Variants in CCM2 observed in about 807,000 individuals in gnomAD.
CCM2 encodes the protein CCM2 scaffold protein, also known as cerebral cavernous malformations 2 protein.
A neutral mutation model predicts 44.9 loss-of-function variants in CCM2; 25 were observed. The ratio of observed to expected loss-of-function variants is 0.56; its 90% CI spans 0.41 to 0.78. CCM2 has a LOEUF of 0.78. CCM2 is among the 30% of genes least tolerant of loss of function. The probability of loss-of-function intolerance (pLI) is 0.00; values close to 1 mark genes in which losing one functional copy is unlikely to be tolerated. For synonymous variants in CCM2, 219 were observed against 241.1 expected, an observed-to-expected ratio of 0.91 and a Z score of 0.85; for missense variants, 481 against 580.6, an observed-to-expected ratio of 0.83 and a Z score of 1.76.
At chr7:45,023,399 A>T (rs895376108) in intron 1 of CCM2, among the ~76,000 whole-genome samples, 1 of 152,074 alleles carries the variant, frequency 6.6e-6, no homozygotes, top group African/African-American at 2.4e-5. Context: ...AAAATACAAA[A>T]ATTAGCCGGG....
intron 1 of CCM2, chr7:45,027,384 A>G: frequency 2.3e-6 from 1 of 435,242 alleles, no homozygotes; most frequent in Non-Finnish European, 4.3e-6. Flanking sequence ...AGAATGGTGG[A>G]CTTTGAAATT....
intron 2 of CCM2, among the ~76,000 whole-genome samples, chr7:45,046,674 C>T (rs1438844973): frequency 2.0e-5 from 3 of 152,176 alleles, no homozygotes; most frequent in Non-Finnish European, 4.4e-5. Flanking sequence ...GGATGCAGGG[C>T]TACGCAGAGT....
chr7:45,063,411 T>C (rs1798617465), intron 2 of CCM2, among the ~76,000 whole-genome samples: 2 of 152,214 alleles, frequency 1.3e-5, no homozygotes, highest in Non-Finnish European at 2.9e-5. Context: ...CACTGTTGCA[T>C]GTGGGGACTA....
chr7:45,025,127 G>T (rs1236263973), intron 1 of CCM2, among the ~76,000 whole-genome samples: 1 of 152,202 alleles, frequency 6.6e-6, no homozygotes, highest in Non-Finnish European at 1.5e-5. Context: ...GGCTGTGTGG[G>T]CCAGGGGGCA....
chr7:45,013,159 C>T (rs1396156510), intron 1 of CCM2, among the ~76,000 whole-genome samples: 2 of 151,948 alleles, frequency 1.3e-5, no homozygotes, highest in African/African-American at 4.8e-5. Context: ...ATATCCATGT[C>T]TTGTCACAGA....
intron 1 of CCM2, among the ~76,000 whole-genome samples, chr7:45,034,836 A>T (rs1015001518): frequency 1.3e-5 from 2 of 150,492 alleles, no homozygotes; most frequent in African/African-American, 4.9e-5. Flanking sequence ...AAGCATTTTT[A>T]AAAAGTTTTT....
chr7:45,051,965 A>G (rs1172151905), intron 2 of CCM2, among the ~76,000 whole-genome samples: 1 of 152,216 alleles, frequency 6.6e-6, no homozygotes, highest in Non-Finnish European at 1.5e-5. Flanking sequence ...TCGGCCTCCC[A>G]AAGTGCTGGG....
rs1323632240 is a variant in CCM2, at chr7:45,072,899, C to A, written c.803+116C>A. ...TCTCAGCTCACCCTCGCTAAGCCAT[C>A]CCCAGACCCACTGTACCCAGCTTAG... On this transcript the variant is annotated intron_variant, in intron 7 of 9. Coordinates refer to ENST00000258781, the MANE Select transcript of CCM2 (RefSeq NM_031443.4). The A allele has an allele frequency of 1.2e-5, 10 of 861,780 alleles. No individual in the cohort carries two copies. The East Asian group carries it at 2.5e-4, about 21-fold the overall frequency. The allele number at this position is 861,780 out of a possible 1,614,324, so 53.4% of individuals were successfully genotyped here.
intron 1 of CCM2, among the ~76,000 whole-genome samples, chr7:45,036,902 C>T (rs1048794870): frequency 6.6e-6 from 1 of 152,152 alleles, no homozygotes; most frequent in East Asian, 1.9e-4. Context: ...CTGGGTCACC[C>T]TATCCTGGCA....
chr7:45,057,311 C>T (rs769011547), intron 2 of CCM2, among the ~76,000 whole-genome samples: 4 of 152,008 alleles, frequency 2.6e-5, no homozygotes, highest in South Asian at 2.1e-4. Context: ...TACAGGTGTG[C>T]GCCGCCACAC....
intron 1 of CCM2, among the ~76,000 whole-genome samples, chr7:45,007,868 A>T (rs993532585): frequency 1.3e-5 from 2 of 152,148 alleles, no homozygotes; most frequent in African/African-American, 4.8e-5. Context: ...ACCTTGGAGA[A>T]AAAAAAGAGA....
At position 45,072,607 on chromosome 7, in the gene CCM2, A is replaced by G. The variant is rs1050041386; in HGVS notation, c.746-119A>G. The G allele has an allele frequency of 9.0e-6, 7 of 779,306 alleles. No homozygotes were observed. In the African/African-American group the frequency reaches 1.2e-4, roughly 13 times the overall value. 48.3% of individuals were successfully genotyped at this position (779,306 alleles called of 1,614,324 possible). The stretch of plus-strand genomic sequence containing the variant: ...TGCGGGCAGCTTGATGAAGGACAGC[A>G]GGGTCCCTGAAGACCAGGGCTGCCG... On this transcript the variant is annotated intron_variant, in intron 6 of 9. Transcript: ENST00000258781.
chr7:45,006,632 C>G (rs1795859404), intron 1 of CCM2, among the ~76,000 whole-genome samples: 1 of 152,088 alleles, frequency 6.6e-6, no homozygotes, highest in Non-Finnish European at 1.5e-5. Flanking sequence ...GCTTGAGCCA[C>G]CATGCCTGGC....
At chr7:45,073,818 G>A in intron 8 of CCM2, 1 of 573,436 alleles carries the variant, frequency 1.7e-6, no homozygotes, top group Non-Finnish European at 3.1e-6. Context: ...GCCTGTGCTT[G>A]GGTCCTGGGG....
At chr7:45,040,390 T>TA (rs1224488097) in intron 2 of CCM2, among the ~76,000 whole-genome samples, 1 of 145,944 alleles carries the variant, frequency 6.9e-6, no homozygotes, top group Non-Finnish European at 1.5e-5. Flanking sequence ...AAAAAAAAAG[T>TA]AAAAAAAAGT....
chr7:45,075,652 C>T, intron 9 of CCM2, 125 bp from the exon 10 acceptor site: 2 of 1,153,702 alleles, frequency 1.7e-6, no homozygotes, highest in Non-Finnish European at 2.6e-6. Context: ...AGCATGGCAT[C>T]AGGGTCCCCA....
At chr7:45,018,066 C>G (rs939991948) in intron 1 of CCM2, among the ~76,000 whole-genome samples, 30 of 139,358 alleles carry the variant, frequency 2.2e-4, no homozygotes, top group Non-Finnish European at 3.6e-4. Context: ...GATGAAACTT[C>G]CATATCAGAT....
At chr7:45,002,300 A>G (rs1354804859) in intron 1 of CCM2, among the ~76,000 whole-genome samples, 1 of 152,200 alleles carries the variant, frequency 6.6e-6, no homozygotes, top group African/African-American at 2.4e-5. Context: ...TAGGCTGGGT[A>G]TGGTAGCTAC....
At chr7:45,072,417 CAT>C (rs1799124696) in intron 6 of CCM2, 1 of 517,590 alleles carries the variant, frequency 1.9e-6, no homozygotes, top group Admixed American at 3.2e-5. Context: ...CTGCCTGGCA[CAT>C]GAGTGATACC....
Sources: allele counts gnomAD v4.1 joint callset (sites outside exome capture counted in the v4.1 genomes callset), GRCh38; gene constraint gnomAD v4.1.1; transcripts MANE v1.5; gene names NCBI Gene and HGNC (gene_info 2026-07-23, HGNC 2026-07-21).